CACNA2D4: variants seen among roughly 807,000 people sequenced by gnomAD.
CACNA2D4 encodes calcium voltage-gated channel auxiliary subunit alpha2delta 4, also known as voltage-dependent calcium channel subunit alpha-2/delta-4.
A neutral mutation model predicts 163.8 loss-of-function variants in CACNA2D4; 157 were observed. The ratio of observed to expected loss-of-function variants is 0.96; its 90% CI spans 0.84 to 1.09. CACNA2D4 has a LOEUF of 1.09. Among genes scored for constraint, CACNA2D4 ranks in the 50% least tolerant of loss-of-function variants. CACNA2D4 has a pLI of 0.00. For missense variants in CACNA2D4, 1,410 were observed against 1,479.9 expected (o/e 0.95, Z 0.78); for synonymous variants, 598 against 586.9 (o/e 1.02, Z -0.27).
rs760722357 is a variant in CACNA2D4, at chr12:1,856,136, C to T, written c.2055-27G>A. ...TGAAACCCAGGAAAGTCAGTGTTAT[C>T]TCAAAACATTCCACCTGTCTCCCTC... On this transcript the variant is annotated intron_variant, in intron 21 of 37. Coordinates refer to ENST00000382722, the MANE Select transcript of CACNA2D4 (RefSeq NM_172364.5). 5 of 1,613,584 alleles carry T rather than the reference C, an allele frequency of 3.1e-6. No homozygotes were observed. The Admixed American group carries it at 5.0e-5, about 16-fold the overall frequency.
In CACNA2D4 at chr12:1,831,401, T is replaced by C. The variant is rs373578062; in HGVS notation, c.2551+9338A>G. ...CGCTTCGCTCCAACCGTCTGCAGAA[T>C]CTGGACCGGCTGACATTTGAACCCC... On this transcript the variant is annotated intron_variant, in intron 26 of 37. Coordinates refer to ENST00000382722, the MANE Select transcript of CACNA2D4 (RefSeq NM_172364.5). The C allele has an allele frequency of 6.8e-6, 11 of 1,613,970 alleles. No homozygotes were observed. The African/African-American group carries it at 1.5e-4, about 22-fold the overall frequency.
chr12:1,870,040 G>A (rs757314311), intron 18 of CACNA2D4, among the ~76,000 whole-genome samples: 4 of 152,168 alleles, frequency 2.6e-5, no homozygotes, highest in Non-Finnish European at 5.9e-5. Context: ...GTTTGGGTGG[G>A]TCTGTCTCAG....
Position 1,874,651 on chromosome 12 carries a change from C to G in CACNA2D4, c.1831G>C (p.Glu611Gln). Residue 611 changes from glutamate (E) to glutamine (Q), a missense_variant, in exon 18 of 38, where the codon GAA becomes CAA. Coordinates refer to ENST00000382722, the MANE Select transcript of CACNA2D4 (RefSeq NM_172364.5). This position sits in a 1 kb window ranked among gnomAD's most constrained non-coding sequence, Gnocchi z 4.4. Reference sequence around the variant, plus strand: ...ACATCCATCGAGAGAGTACCTGTTTCCCTATTGATCATGGCTGTTCTCAGC... The same window carrying G: ...ACATCCATCGAGAGAGTACCTGTTTGCCTATTGATCATGGCTGTTCTCAGC... ...ESLRTAMINR[E>Q]TGTLSMDVKV... 6.2e-7 allele frequency: 1 copy of G among 1,613,208 alleles called. No individual in the cohort carries two copies. Among genetic ancestry groups the G allele is most frequent in the South Asian group, 1.1e-5 (1 of 91,050 alleles).
chr12:1,852,873 C>T (rs1865316375), intron 23 of CACNA2D4, among the ~76,000 whole-genome samples: 1 of 152,138 alleles, frequency 6.6e-6, no homozygotes, highest in African/African-American at 2.4e-5. Flanking sequence ...AGGCGAGTTG[C>T]TTGATCTCGC....
intron 26 of CACNA2D4, chr12:1,831,240 A>G: frequency 3.1e-6 from 5 of 1,613,804 alleles, no homozygotes; most frequent in Non-Finnish European, 4.2e-6. Context: ...TCAGCTGCGC[A>G]ATAACAGCAT....
In CACNA2D4 at chr12:1,800,828, G is replaced by C. The variant is rs530730594; in HGVS notation, c.2868+215C>G. The C allele has an allele frequency of 1.0e-5, 6 of 601,412 alleles. No individual in the cohort carries two copies. In the East Asian group the frequency reaches 1.6e-4, roughly 17 times the overall value. 37.3% of individuals were successfully genotyped at this position (601,412 alleles called of 1,614,324 possible). ...AGGCACTGTTGTGTCACAACTACCA[G>C]AGCAGTCCCTCTGAAGCCCCAAAGC... On this transcript the variant is annotated intron_variant, in intron 31 of 37. Coordinates refer to ENST00000382722, the MANE Select transcript of CACNA2D4 (RefSeq NM_172364.5).
chr12:1,801,256 A>T, intron 30 of CACNA2D4, 138 bp from the exon 31 acceptor site: 1 of 720,744 alleles, frequency 1.4e-6, no homozygotes, highest in Non-Finnish European at 2.5e-6. Flanking sequence ...ATCAGAATAC[A>T]GCTCATGCTG....
At chr12:1,842,429 G>A (rs925528390) in intron 25 of CACNA2D4, among the ~76,000 whole-genome samples, 6 of 152,196 alleles carry the variant, frequency 3.9e-5, no homozygotes, top group African/African-American at 1.4e-4. Flanking sequence ...CCCTTGAAAC[G>A]CGGTTGTTTT....
At chr12:1,800,961 A>C in intron 31 of CACNA2D4, 82 bp downstream of exon 31, 2 of 1,334,726 alleles carry the variant, frequency 1.5e-6, no homozygotes, top group South Asian at 1.2e-5. Context: ...GTGGGTGAGA[A>C]CAGGGACCAG....
intron 29 of CACNA2D4, among the ~76,000 whole-genome samples, chr12:1,804,254 GTTA>G: frequency 6.6e-6 from 1 of 152,044 alleles, no homozygotes; most frequent in South Asian, 2.1e-4. Context: ...CCTGTTCACA[GTTA>G]TTATTCCATG....
intron 23 of CACNA2D4, among the ~76,000 whole-genome samples, chr12:1,848,444 C>A (rs548173867): frequency 4.6e-4 from 70 of 152,288 alleles, no homozygotes; most frequent in African/African-American, 1.3e-3. Context: ...TGTGTTTTTA[C>A]AAGGCTGTTC....
chr12:1,894,186 T>G (rs1475586902), intron 6 of CACNA2D4, among the ~76,000 whole-genome samples: 1 of 152,008 alleles, frequency 6.6e-6, no homozygotes, highest in Non-Finnish European at 1.5e-5. Context: ...AAGATTGAAC[T>G]GAAATAAATA....
Position 1,886,019 on chromosome 12 carries a change from G to A in CACNA2D4, c.1014C>T (p.Tyr338=), listed in dbSNP as rs1337820605. ...NIIAYNDYVH[Y]IEPCFKGILV... Reference sequence around the variant, plus strand: ...GGATCCCTTTAAAACAAGGCTCGATGTAATGGACGTAGTCATTGTACTGCA... The same window carrying A: ...GGATCCCTTTAAAACAAGGCTCGATATAATGGACGTAGTCATTGTACTGCA... The change falls in exon 9 of 38, where the codon TAC becomes TAT. Residue 338 remains tyrosine, a synonymous_variant. Transcript: ENST00000382722. 1.2e-6 allele frequency: 2 copies of A among 1,613,546 alleles called. No individual in the cohort carries two copies. The highest frequency in any genetic ancestry group is 8.5e-7 in the Non-Finnish European group (1 of 1,179,526).
chr12:1,841,244 ACAGT>A (rs1865018385), intron 25 of CACNA2D4, among the ~76,000 whole-genome samples: 1 of 152,182 alleles, frequency 6.6e-6, no homozygotes, highest in Non-Finnish European at 1.5e-5. Context: ...GAGGACGCCG[ACAGT>A]CAGTCCCAAT....
chr12:1,847,967 G>A, intron 23 of CACNA2D4, among the ~76,000 whole-genome samples: 1 of 151,956 alleles, frequency 6.6e-6, no homozygotes, highest in East Asian at 1.9e-4. Context: ...TTTAAGTTTG[G>A]CTGAATCAGA....
chr12:1,805,032 G>A (rs948031747), intron 29 of CACNA2D4, among the ~76,000 whole-genome samples: 9 of 152,336 alleles, frequency 5.9e-5, no homozygotes, highest in Admixed American at 5.2e-4. Context: ...CGATTTAGGA[G>A]CCCCAGACCG....
Position 1,887,033 on chromosome 12 carries a change from G to GT in CACNA2D4, c.817dup (p.Thr273AsnfsTer3). The GT allele has an allele frequency of 6.3e-7, 1 of 1,595,136 alleles. No individual in the cohort carries two copies. Among genetic ancestry groups the GT allele is most frequent in the Non-Finnish European group, 8.6e-7 (1 of 1,167,906 alleles). ...CCAGCCGCGGTTTCGGCAGTCAAAAGTAATGACTCCATTCTCATCAGGTGT... is the reference window on the plus strand; with the variant it reads ...CCAGCCGCGGTTTCGGCAGTCAAAAGTTAATGACTCCATTCTCATCAGGTGT... On this transcript the variant is annotated frameshift_variant, in exon 7 of 38. Transcript: ENST00000382722. LOFTEE classifies it high-confidence loss of function.
rs1019193308 is a variant in CACNA2D4, at chr12:1,855,940, C to T, written c.2152+72G>A. On this transcript the variant is annotated intron_variant, in intron 22 of 37. Transcript: ENST00000382722. ...GCAGCAGCCTCCCCCTGCCTTCCCACCTCTCCTGGCAAAGTCCTGAACTTC... is the reference window on the plus strand; with the variant it reads ...GCAGCAGCCTCCCCCTGCCTTCCCATCTCTCCTGGCAAAGTCCTGAACTTC... The T allele has an allele frequency of 5.0e-6, 6 of 1,193,312 alleles. No homozygotes were observed. In the African/African-American group the frequency reaches 7.5e-5, roughly 15 times the overall value. 73.9% of individuals were successfully genotyped at this position (1,193,312 alleles called of 1,614,324 possible). A position where few individuals can be genotyped will look rare whatever the true frequency, so the allele number is the denominator to read the frequency against.
Position 1,874,788 on chromosome 12 carries a change from CT to C in CACNA2D4, c.1807-114del. The C allele has an allele frequency of 1.3e-6, 1 of 779,192 alleles. No homozygotes were observed. The allele number at this position is 779,192 out of a possible 1,614,324, so 48.3% of individuals were successfully genotyped here. On this transcript the variant is annotated intron_variant, in intron 17 of 37. Transcript: ENST00000382722. This position sits in a 1 kb window ranked among gnomAD's most constrained non-coding sequence, Gnocchi z 4.4. ...CCCCAGAAACACTTTTGGTTCTTCC[CT>C]TTTTCCTCTGAGAGAGATACCAGGA...
Sources: gnomAD v4.1 joint callset for allele counts (sites outside exome capture counted in the v4.1 genomes callset) on GRCh38, gnomAD v4.1.1 for gene constraint, Gnocchi (gnomAD v3.1) non-coding constraint, MANE v1.5 for transcripts, NCBI Gene and HGNC (gene_info 2026-07-23, HGNC 2026-07-21) for gene names.